Variants in JAK2 observed in about 807,000 individuals in gnomAD.
JAK2 encodes Janus kinase 2.
JAK2 carries 86 observed loss-of-function variants against 139.3 expected under a neutral mutation model. The observed-to-expected ratio is 0.62, with a 90% CI of 0.52 to 0.74. The LOEUF (loss-of-function observed/expected upper bound fraction) is 0.74, where lower values mean the gene tolerates loss of function less well. Among genes scored for constraint, JAK2 ranks in the 30% least tolerant of loss-of-function variants. The probability of loss-of-function intolerance (pLI) is 0.00; values close to 1 mark genes in which losing one functional copy is unlikely to be tolerated. For synonymous variants in JAK2, 490 were observed against 437.7 expected, an observed-to-expected ratio of 1.12 and a Z score of -1.49; for missense variants, 1,421 against 1,360.3, an observed-to-expected ratio of 1.04 and a Z score of -0.70.
chr9:5,094,731 G>C (rs1489653756), intron 22 of JAK2: 2 of 152,018 alleles, frequency 1.3e-5, no homozygotes, highest in African/African-American at 4.8e-5. Flanking sequence ...AAGTTCATTT[G>C]CCCTCTTCTT....
At chr9:5,105,407 A>T (rs897461902) in intron 22 of JAK2, among the ~76,000 whole-genome samples, 1 of 152,228 alleles carries the variant, frequency 6.6e-6, no homozygotes, top group African/African-American at 2.4e-5. Flanking sequence ...GCTCAATGAA[A>T]TACAAGAGGA....
chr9:5,004,105 A>T (rs1470680647), intron 2 of JAK2, among the ~76,000 whole-genome samples: 2 of 152,176 alleles, frequency 1.3e-5, no homozygotes, highest in East Asian at 3.8e-4. Flanking sequence ...TCTAATTAAC[A>T]TATGTATCAC....
chr9:5,081,711 C>T lies in JAK2; in HGVS notation c.2435-14C>T. 6.4e-7 allele frequency: 1 copy of T among 1,563,766 alleles called. No individual in the cohort carries two copies. The highest frequency in any genetic ancestry group is 8.8e-7 in the Non-Finnish European group (1 of 1,135,674). On this transcript the variant is annotated splice_polypyrimidine_tract_variant and intron_variant, in intron 18 of 24. Coordinates refer to ENST00000381652, the MANE Select transcript of JAK2 (RefSeq NM_004972.4). The stretch of plus-strand genomic sequence containing the variant: ...TTTGCTAATTTAAGGTGATAATATT[C>T]TTTATTTCTCCAGATTATGAACTAT...
chr9:5,095,176 A>C (rs968250366), intron 22 of JAK2, among the ~76,000 whole-genome samples: 1 of 152,142 alleles, frequency 6.6e-6, no homozygotes, highest in African/African-American at 2.4e-5. Context: ...CAGCTAAATA[A>C]GCTATTGGGC....
At chr9:5,085,774 TATG>T in intron 19 of JAK2, 1 of 754,288 alleles carries the variant, frequency 1.3e-6, no homozygotes, top group East Asian at 2.5e-5. Context: ...CGGGAGTTAT[TATG>T]ATGAATATTA....
intron 14 of JAK2, among the ~76,000 whole-genome samples, chr9:5,076,847 A>T (rs1281465343): frequency 6.6e-6 from 1 of 152,106 alleles, no homozygotes; most frequent in Non-Finnish European, 1.5e-5. Context: ...TGTTATATGG[A>T]GGTATCTGAG....
Position 5,128,158 on chromosome 9 carries a change from T to TAA in JAK2, c.*1371_*1372dup, listed in dbSNP as rs1824127759. The TAA allele has an allele frequency of 4.3e-6, 1 of 231,904 alleles. No homozygotes were observed. 14.4% of individuals were successfully genotyped at this position (231,904 alleles called of 1,614,324 possible). On this transcript the variant is annotated 3_prime_UTR_variant, in exon 25 of 25. Transcript: ENST00000381652. Reference sequence around the variant, plus strand: ...AACTTAAAATACTTGCTGTTTTGATTAAAAAGAAAATAGTTTCTTACTTTA... The same window carrying TAA: ...AACTTAAAATACTTGCTGTTTTGATTAAAAAAAGAAAATAGTTTCTTACTTTA...
At chr9:5,031,389 G>T (rs1823135663) in intron 4 of JAK2, among the ~76,000 whole-genome samples, 1 of 152,098 alleles carries the variant, frequency 6.6e-6, no homozygotes, top group Admixed American at 6.6e-5. Context: ...GAGAATGATG[G>T]GGCCAGTATA....
rs1196013048 is a variant in JAK2 at position 5,038,883 on chromosome 9, T to A, written c.351-5520T>A. The stretch of plus-strand genomic sequence containing the variant: ...AAATCAATCAATGTAATACACCACA[T>A]TAATAGAATAAATGACCAAAACCAC... On this transcript the variant is annotated intron_variant, in intron 4 of 24. Coordinates refer to ENST00000381652, the MANE Select transcript of JAK2 (RefSeq NM_004972.4). 2.0e-5 allele frequency among the ~76,000 whole-genome samples: 3 copies of A among 151,952 alleles called. No homozygotes were observed. The East Asian group carries it at 5.8e-4, about 29-fold the overall frequency.
rs1816778170 is a variant in JAK2, at chr9:5,043,629, CA to C, written c.351-769del. Among the ~76,000 whole-genome samples, 3 of 152,174 alleles carry C rather than the reference CA, an allele frequency of 2.0e-5. No homozygotes were observed. The South Asian group carries it at 6.2e-4, about 31-fold the overall frequency. On this transcript the variant is annotated intron_variant, in intron 4 of 24. Transcript: ENST00000381652. The stretch of plus-strand genomic sequence containing the variant: ...TGCAATAGAAATGAAAACATATCCA[CA>C]AAAACTTGTACATGACTCTTCATAC...
intron 19 of JAK2, among the ~76,000 whole-genome samples, chr9:5,086,533 T>C (rs1820126957): frequency 6.6e-6 from 1 of 152,196 alleles, no homozygotes; most frequent in African/African-American, 2.4e-5. Flanking sequence ...ATACTTTTAG[T>C]ACTCATTGTT....
At chr9:5,117,838 T>TAC (rs1823323208) in intron 22 of JAK2, among the ~76,000 whole-genome samples, 2 of 152,178 alleles carry the variant, frequency 1.3e-5, no homozygotes, top group African/African-American at 4.8e-5. Flanking sequence ...GGGGACGTTG[T>TAC]ATTAATGAGA....
At chr9:4,997,333 A>T (rs10123976) in intron 2 of JAK2, among the ~76,000 whole-genome samples, 38,207 of 152,130 alleles carry the variant, frequency 0.25, 5,100 homozygotes, top group South Asian at 0.32. Flanking sequence ...GCTTACAAGC[A>T]TGGGGCTGAC....
chr9:4,992,836 A>G (rs572624941), intron 2 of JAK2, among the ~76,000 whole-genome samples: 3 of 152,330 alleles, frequency 2.0e-5, no homozygotes, highest in African/African-American at 7.2e-5. Flanking sequence ...GCAATTCTGC[A>G]ACCTCACTGG....
In JAK2 at chr9:5,112,700, C is replaced by G. The variant is rs1485740831; in HGVS notation, c.3060-10304C>G. 4.6e-6 allele frequency: 4 copies of G among 878,204 alleles called. No individual in the cohort carries two copies. In the African/African-American group the frequency reaches 6.9e-5, roughly 15 times the overall value. The allele number at this position is 878,204 out of a possible 1,614,324, so 54.4% of individuals were successfully genotyped here. A position where few individuals can be genotyped will look rare whatever the true frequency, so the allele number is the denominator to read the frequency against. On this transcript the variant is annotated intron_variant, in intron 22 of 24. Transcript: ENST00000381652. ...CTCGGTCATCCTGAATTTGGAGCAGCAAGTGCGAGAGCGGAACCTGAATCC... is the reference window on the plus strand; with the variant it reads ...CTCGGTCATCCTGAATTTGGAGCAGGAAGTGCGAGAGCGGAACCTGAATCC...
rs1194943578 is a variant in JAK2 at position 5,090,734 on chromosome 9, C to T, written c.2887-5C>T. The T allele has an allele frequency of 2.5e-6, 4 of 1,581,404 alleles. No individual in the cohort carries two copies. Among genetic ancestry groups the T allele is most frequent in the Non-Finnish European group, 3.4e-6 (4 of 1,169,724 alleles). On this transcript the variant is annotated splice_region_variant and splice_polypyrimidine_tract_variant and intron_variant, in intron 21 of 24. Transcript: ENST00000381652. ...CTAGCTGAAAGAAAAATGTTTTATC[C>T]ATAGGGTATGGAGTATCTTGGTACA...
chr9:5,050,502 C>T (rs1012015908), intron 5 of JAK2, among the ~76,000 whole-genome samples, 184 bp from the exon 6 acceptor site: 1 of 152,124 alleles, frequency 6.6e-6, no homozygotes, highest in Non-Finnish European at 1.5e-5. Flanking sequence ...AACTCCTGGG[C>T]TCAAGTGATC....
chr9:5,116,065 A>T (rs533463670), intron 22 of JAK2, among the ~76,000 whole-genome samples: 18 of 150,578 alleles, frequency 1.2e-4, no homozygotes, highest in East Asian at 5.8e-4. Context: ...AATAAAATTT[A>T]AAAAAAAAAC....
chr9:5,018,421 G>A (rs937390614), intron 2 of JAK2, among the ~76,000 whole-genome samples: 3 of 151,964 alleles, frequency 2.0e-5, no homozygotes, highest in African/African-American at 4.8e-5. Context: ...CTGCAGCCTC[G>A]ACCTCCATGG....
Sources: gnomAD v4.1 joint callset for allele counts (sites outside exome capture counted in the v4.1 genomes callset) on GRCh38, gnomAD v4.1.1 for gene constraint, MANE v1.5 for transcripts, NCBI Gene and HGNC (gene_info 2026-07-23, HGNC 2026-07-21) for gene names.